EFCAB14: variants seen among roughly 807,000 people sequenced by gnomAD.
EFCAB14 encodes EF-hand calcium-binding domain-containing protein 14.
In EFCAB14, 43 loss-of-function variants were observed where a neutral mutation model predicts 56.5. The ratio of observed to expected loss-of-function variants is 0.76; its 90% CI spans 0.60 to 0.98. The LOEUF (loss-of-function observed/expected upper bound fraction) is 0.98. EFCAB14 is among the 50% of genes least tolerant of loss of function. EFCAB14 has a pLI of 0.00. For synonymous variants in EFCAB14, 235 were observed against 212.9 expected (o/e 1.10, Z -0.90); for missense variants, 538 against 580.3 (o/e 0.93, Z 0.75).
intron 2 of EFCAB14, 135 bp from the exon 3 acceptor site, chr1:46,708,186 AAATATAT>A: frequency 1.1e-6 from 1 of 881,626 alleles, no homozygotes; most frequent in Non-Finnish European, 1.6e-6. Flanking sequence ...TTATTTATGT[AAATATAT>A]ATCTTTCACA....
chr1:46,680,622 G>A (rs1439497966), intron 10 of EFCAB14, among the ~76,000 whole-genome samples: 3 of 152,162 alleles, frequency 2.0e-5, no homozygotes, highest in Non-Finnish European at 4.4e-5. Context: ...ATTCTGTGAG[G>A]GGTGATGAAA....
At chr1:46,707,423 A>C (rs2148849321) in intron 3 of EFCAB14, among the ~76,000 whole-genome samples, 1 of 152,326 alleles carries the variant, frequency 6.6e-6, no homozygotes, top group South Asian at 2.1e-4. Context: ...TTTATGTTGT[A>C]TTAGGCTTAT....
In EFCAB14 at chr1:46,689,529, T is replaced by C. The variant is rs897115452; in HGVS notation, c.795+58A>G. The C allele has an allele frequency of 2.7e-5, 41 of 1,542,264 alleles. No homozygotes were observed. In the African/African-American group the frequency reaches 3.4e-4, roughly 13 times the overall value. On this transcript the variant is annotated intron_variant, in intron 6 of 10. Coordinates refer to ENST00000371933, the MANE Select transcript of EFCAB14 (RefSeq NM_014774.3). ...ACACCAAACACTAAGCCCAAACTAT[T>C]TGGCTGCCTCTGCAGTGCACTGTGG... is the stretch of plus-strand genomic sequence containing the variant.
intron 5 of EFCAB14, among the ~76,000 whole-genome samples, chr1:46,690,722 G>T (rs1419981645): frequency 6.6e-6 from 1 of 152,174 alleles, no homozygotes; most frequent in Non-Finnish European, 1.5e-5. Context: ...AGAACCAAGG[G>T]TCTTGACACC....
chr1:46,680,179 A>G (rs900484089), intron 10 of EFCAB14, among the ~76,000 whole-genome samples: 6 of 152,234 alleles, frequency 3.9e-5, no homozygotes, highest in Admixed American at 3.3e-4. Context: ...TAGGGCTATC[A>G]TATGACCCAT....
chr1:46,705,263 T>A (rs1256126855), intron 3 of EFCAB14, among the ~76,000 whole-genome samples: 1 of 152,234 alleles, frequency 6.6e-6, no homozygotes, highest in African/African-American at 2.4e-5. Flanking sequence ...TCCTCTGTTA[T>A]CAGGCTGGCT....
At chr1:46,695,929 C>T (rs571570253) in intron 4 of EFCAB14, among the ~76,000 whole-genome samples, 1 of 152,228 alleles carries the variant, frequency 6.6e-6, no homozygotes, top group African/African-American at 2.4e-5. Flanking sequence ...ATCCTCCTGG[C>T]TCAGCCTCCC....
At chr1:46,698,388 C>T (rs1172105735) in intron 3 of EFCAB14, among the ~76,000 whole-genome samples, 1 of 152,034 alleles carries the variant, frequency 6.6e-6, no homozygotes, top group East Asian at 1.9e-4. Context: ...GTCAGGGATC[C>T]TGTGGTGTTT....
At chr1:46,696,722 T>G in intron 3 of EFCAB14, 73 bp from the exon 4 acceptor site, 2 of 1,401,820 alleles carry the variant, frequency 1.4e-6, no homozygotes, top group African/African-American at 1.4e-5. Context: ...TCACAAACTC[T>G]ACGGTTGGTG....
chr1:46,678,981 CAGG>C (rs954750497), intron 10 of EFCAB14, among the ~76,000 whole-genome samples: 14 of 152,322 alleles, frequency 9.2e-5, no homozygotes, highest in Non-Finnish European at 1.6e-4. Context: ...CAGATAATCG[CAGG>C]AGAATGAATG....
At chr1:46,704,882 T>G (rs961330332) in intron 3 of EFCAB14, among the ~76,000 whole-genome samples, 1 of 118,546 alleles carries the variant, frequency 8.4e-6, no homozygotes, top group African/African-American at 3.3e-5. Flanking sequence ...TTAACTTTTT[T>G]TTTTTTCAAA....
intron 2 of EFCAB14, among the ~76,000 whole-genome samples, chr1:46,708,325 GACTC>G (rs1257306559): frequency 1.3e-5 from 2 of 152,128 alleles, no homozygotes; most frequent in Non-Finnish European, 2.9e-5. Context: ...TCAATTTTGT[GACTC>G]ACTATGATCT....
At chr1:46,706,387 C>A (rs1488837470) in intron 3 of EFCAB14, among the ~76,000 whole-genome samples, 1 of 152,134 alleles carries the variant, frequency 6.6e-6, no homozygotes, top group Non-Finnish European at 1.5e-5. Flanking sequence ...AACATATGTA[C>A]CAAAGATTTG....
Position 46,686,840 on chromosome 1 carries a change from G to A in EFCAB14, c.1018C>T (p.Gln340Ter). 1 of 1,613,768 alleles carries A rather than the reference G, an allele frequency of 6.2e-7. No individual in the cohort carries two copies. Among genetic ancestry groups the A allele is most frequent in the Non-Finnish European group, 8.5e-7 (1 of 1,179,824 alleles). The change falls in exon 8 of 11, where the codon CAG (glutamine) becomes TAG (stop). Residue 340 changes from glutamine to a stop codon, truncating the protein, a stop_gained. Coordinates refer to ENST00000371933, the MANE Select transcript of EFCAB14 (RefSeq NM_014774.3). LOFTEE classifies it high-confidence loss of function. ...CTGTTGGTGACTTGATCCAAAGACTGTCTTTTCAGAGTGGCAGATCTATCA... is the reference window on the plus strand; with the variant it reads ...CTGTTGGTGACTTGATCCAAAGACTATCTTTTCAGAGTGGCAGATCTATCA... ...MGDRSATLKR[Q>*]SLDQVTNRTD...
chr1:46,686,737 T>C lies in EFCAB14; in HGVS notation c.1074+47A>G, dbSNP rs764592017. The C allele has an allele frequency of 3.8e-6, 6 of 1,572,476 alleles. No homozygotes were observed. The East Asian group carries it at 1.1e-4, about 29-fold the overall frequency. ...TAGCAGTAGATCAAAAGCACAGAGA[T>C]GCTGCTGCATTTACTTTTACTTCAG... is the stretch of plus-strand genomic sequence containing the variant. On this transcript the variant is annotated intron_variant, in intron 8 of 10. Transcript: ENST00000371933.
chr1:46,687,692 C>G (rs1676908024), intron 7 of EFCAB14, among the ~76,000 whole-genome samples: 1 of 152,154 alleles, frequency 6.6e-6, no homozygotes, highest in African/African-American at 2.4e-5. Flanking sequence ...ATGTGGATCC[C>G]TGCACAAAGT....
At chr1:46,685,883 TATG>T (rs1438881073) in intron 8 of EFCAB14, among the ~76,000 whole-genome samples, 1 of 152,208 alleles carries the variant, frequency 6.6e-6, no homozygotes, top group Non-Finnish European at 1.5e-5. Context: ...AAGCTTAGCT[TATG>T]ATGCATTAAA....
chr1:46,714,036 G>A (rs1677349550), intron 2 of EFCAB14, among the ~76,000 whole-genome samples: 1 of 152,064 alleles, frequency 6.6e-6, no homozygotes, highest in Non-Finnish European at 1.5e-5. Flanking sequence ...TGAATCCCCA[G>A]CCCCAGAATC....
chr1:46,700,986 A>AGTGTGTGTGTGTGTGTGTGTGTGTGT, intron 3 of EFCAB14, among the ~76,000 whole-genome samples: 1 of 142,940 alleles, frequency 7.0e-6, no homozygotes, highest in East Asian at 2.1e-4. Context: ...AGAGTGAGTG[A>AGTGTGTGTGTGTGTGTGTGTGTGTGT]GTGTGTGTGT....
Sources: allele counts gnomAD v4.1 joint callset (sites outside exome capture counted in the v4.1 genomes callset), GRCh38; gene constraint gnomAD v4.1.1; transcripts MANE v1.5; gene names NCBI Gene and HGNC (gene_info 2026-07-23, HGNC 2026-07-21).